SEC23B: variants seen among roughly 807,000 people sequenced by gnomAD.
The protein encoded by SEC23B is protein transport protein Sec23B.
In SEC23B, 77 loss-of-function variants were observed where a neutral mutation model predicts 104.3. That is an observed-to-expected ratio of 0.74 (90% CI 0.61 to 0.89). The LOEUF (loss-of-function observed/expected upper bound fraction) is 0.89. Ranked by LOEUF, SEC23B falls within the 40% of genes least tolerant of loss-of-function variation. The probability of loss-of-function intolerance (pLI) is 0.00; values close to 1 mark genes in which losing one functional copy is unlikely to be tolerated. For synonymous variants in SEC23B, 338 were observed against 332.5 expected (o/e 1.02, Z -0.18); for missense variants, 885 against 949.4 (o/e 0.93, Z 0.89).
intron 4 of SEC23B, among the ~76,000 whole-genome samples, chr20:18,516,850 G>C (rs1034496081): frequency 6.6e-6 from 1 of 151,952 alleles, no homozygotes; most frequent in East Asian, 1.9e-4. Context: ...ACCGCACCCG[G>C]CCACATTTTT....
At chr20:18,529,350 C>A (rs1054108131) in intron 9 of SEC23B, among the ~76,000 whole-genome samples, 1 of 152,222 alleles carries the variant, frequency 6.6e-6, no homozygotes, top group African/African-American at 2.4e-5. Flanking sequence ...GAATGGACAG[C>A]TTGGGGAGGA....
At position 18,510,840 on chromosome 20, in the gene SEC23B, C is replaced by T. The variant is rs190721221; in HGVS notation, c.5C>T (p.Ala2Val). 48 of 1,613,574 alleles carry T rather than the reference C, an allele frequency of 3.0e-5. No homozygotes were observed. Among genetic ancestry groups the T allele is most frequent in the Admixed American group, 1.2e-4 (7 of 60,026 alleles). M[A>V]TYLEFIQQNE... ...TCTTCAGTTCCCTTTTAGACTATGG[C>T]GACATACCTGGAGTTCATCCAGCAG... Residue 2 changes from alanine (A) to valine (V), a missense_variant, in exon 2 of 20, where the codon GCG becomes GTG. Transcript: ENST00000650089.
chr20:18,537,046 T>C (rs2060238271), intron 12 of SEC23B, among the ~76,000 whole-genome samples: 1 of 152,168 alleles, frequency 6.6e-6, no homozygotes, highest in African/African-American at 2.4e-5. Context: ...AGTGGACCTG[T>C]ACAGTTCAAA....
chr20:18,512,286 T>C lies in SEC23B; in HGVS notation c.279+4T>C, dbSNP rs780598197. 2.7e-5 allele frequency: 41 copies of C among 1,545,976 alleles called. No individual in the cohort carries two copies. The East Asian group carries it at 3.4e-4, about 13-fold the overall frequency. ...TTTCTGTTTTCAAAGAAATCAGGTATGTGAATTATTTTTAAAAAATGTTAT... is the reference window on the plus strand; with the variant it reads ...TTTCTGTTTTCAAAGAAATCAGGTACGTGAATTATTTTTAAAAAATGTTAT... On this transcript the variant is annotated splice_donor_region_variant and intron_variant, in intron 3 of 19. Coordinates refer to ENST00000650089, the MANE Select transcript of SEC23B (RefSeq NM_006363.6).
intron 12 of SEC23B, among the ~76,000 whole-genome samples, chr20:18,537,686 T>C (rs572435988): frequency 3.9e-5 from 6 of 152,182 alleles, no homozygotes; most frequent in South Asian, 4.2e-4. Context: ...TGTATACATA[T>C]GTAACTAACC....
At chr20:18,539,801 C>G (rs1375441693) in intron 12 of SEC23B, among the ~76,000 whole-genome samples, 1 of 151,822 alleles carries the variant, frequency 6.6e-6, no homozygotes, top group African/African-American at 2.4e-5. Flanking sequence ...TCTGCCACCA[C>G]ACCCACCTAA....
chr20:18,513,085 G>C (rs1364625055), intron 3 of SEC23B, among the ~76,000 whole-genome samples: 1 of 152,200 alleles, frequency 6.6e-6, no homozygotes, highest in Non-Finnish European at 1.5e-5. Flanking sequence ...TCAGGAGGCT[G>C]AGGCAGGTGA....
chr20:18,536,802 T>C (rs2060236203), intron 12 of SEC23B, among the ~76,000 whole-genome samples: 1 of 152,204 alleles, frequency 6.6e-6, no homozygotes, highest in Non-Finnish European at 1.5e-5. Context: ...ACATATTTTG[T>C]AAGTAATATA....
At chr20:18,516,433 C>G (rs989358789) in intron 4 of SEC23B, among the ~76,000 whole-genome samples, 4 of 151,736 alleles carry the variant, frequency 2.6e-5, no homozygotes, top group African/African-American at 9.7e-5. Context: ...ACTTGTCTGT[C>G]TTTATGCCAG....
At chr20:18,547,212 C>T (rs2060340413) in intron 15 of SEC23B, among the ~76,000 whole-genome samples, 1 of 152,138 alleles carries the variant, frequency 6.6e-6, no homozygotes, top group South Asian at 2.1e-4. Flanking sequence ...CCAGCTGTGA[C>T]ACTCAGTAGT....
intron 19 of SEC23B, among the ~76,000 whole-genome samples, chr20:18,557,090 G>T (rs183941800): frequency 2.6e-5 from 4 of 152,330 alleles, no homozygotes; most frequent in Middle Eastern, 3.4e-3. Context: ...GGTATATTTA[G>T]ACCATTTATA....
chr20:18,537,492 A>G (rs981659469), intron 12 of SEC23B, among the ~76,000 whole-genome samples: 16 of 152,112 alleles, frequency 1.1e-4, no homozygotes, highest in Non-Finnish European at 1.5e-4. Context: ...TCGCAAGGAC[A>G]AAAAAACACC....
Position 18,510,931 on chromosome 20 carries a change from A to T in SEC23B, c.96A>T (p.Thr32=). Residue 32 remains threonine, a synonymous_variant, in exon 2 of 20, where the codon ACA becomes ACT. Coordinates refer to ENST00000650089, the MANE Select transcript of SEC23B (RefSeq NM_006363.6). ...NVWPSSRLEA[T]RMVVPLACLL... ...GGCCTTCCAGCCGGCTGGAGGCTAC[A>T]AGAATGGTTGTACCCCTGGCTTGTC... 2 of 1,614,190 alleles carry T rather than the reference A, an allele frequency of 1.2e-6. No individual in the cohort carries two copies. Among genetic ancestry groups the T allele is most frequent in the Non-Finnish European group, 1.7e-6 (2 of 1,180,028 alleles).
intron 4 of SEC23B, among the ~76,000 whole-genome samples, chr20:18,517,972 C>T (rs910781833): frequency 1.3e-5 from 2 of 152,106 alleles, no homozygotes; most frequent in Non-Finnish European, 2.9e-5. Flanking sequence ...AGTTTTTGGG[C>T]TCTATTCTTG....
At chr20:18,512,190 G>A (rs773187954) in intron 2 of SEC23B, 35 bp from the exon 3 acceptor site, 110 of 1,298,074 alleles carry the variant, frequency 8.5e-5, no homozygotes, top group Non-Finnish European at 1.2e-4. Flanking sequence ...AAAAATAAAA[G>A]TGGTACCTAC....
chr20:18,551,570 C>T (rs1384125867), intron 17 of SEC23B, among the ~76,000 whole-genome samples: 2 of 151,854 alleles, frequency 1.3e-5, no homozygotes, highest in Admixed American at 1.3e-4. Flanking sequence ...AAAAGTTAGC[C>T]AGGCGTGGTG....
intron 19 of SEC23B, among the ~76,000 whole-genome samples, chr20:18,555,469 C>T (rs187044792): frequency 5.3e-5 from 8 of 152,212 alleles, no homozygotes; most frequent in Non-Finnish European, 1.0e-4. Flanking sequence ...GTCACACAGC[C>T]TCATGGCCCC....
intron 4 of SEC23B, among the ~76,000 whole-genome samples, chr20:18,521,474 G>A (rs2060083263): frequency 6.6e-6 from 1 of 152,186 alleles, no homozygotes; most frequent in Admixed American, 6.5e-5. Flanking sequence ...AACTGATTTG[G>A]GAGAGGTCAG....
At chr20:18,546,302 AT>A (rs747027398) in intron 15 of SEC23B, among the ~76,000 whole-genome samples, 7 of 152,350 alleles carry the variant, frequency 4.6e-5, no homozygotes, top group Non-Finnish European at 8.8e-5. Context: ...GCCGTAAAAA[AT>A]ATCTCTCATG....
Sources: allele counts gnomAD v4.1 joint callset (sites outside exome capture counted in the v4.1 genomes callset), GRCh38; gene constraint gnomAD v4.1.1; transcripts MANE v1.5; gene names NCBI Gene and HGNC (gene_info 2026-07-23, HGNC 2026-07-21).